Variants in NFRKB observed in about 807,000 individuals in gnomAD.
NFRKB encodes the protein nuclear factor related to kappa-B-binding protein.
NFRKB carries 62 observed loss-of-function variants against 135.7 expected under a neutral mutation model. The ratio of observed to expected loss-of-function variants is 0.46; its 90% CI spans 0.37 to 0.56. The LOEUF (loss-of-function observed/expected upper bound fraction) is 0.56. Ranked by LOEUF, NFRKB falls within the 20% of genes least tolerant of loss-of-function variation. The pLI, the probability that NFRKB is intolerant of heterozygous loss-of-function variation, is 0.00. For missense variants in NFRKB, 1,545 were observed against 1,662.0 expected, an observed-to-expected ratio of 0.93 and a Z score of 1.22; for synonymous variants, 678 against 635.6, an observed-to-expected ratio of 1.07 and a Z score of -1.00.
chr11:129,867,410 G>A (rs544558557), intron 24 of NFRKB, among the ~76,000 whole-genome samples: 82 of 147,008 alleles, frequency 5.6e-4, no homozygotes, highest in African/African-American at 1.9e-3. Flanking sequence ...ACTGCAACCC[G>A]GGTTCAAATG....
At chr11:129,881,667 C>T in intron 12 of NFRKB, 60 bp downstream of exon 12, 1 of 1,597,054 alleles carries the variant, frequency 6.3e-7, no homozygotes, top group Non-Finnish European at 8.5e-7. Flanking sequence ...GCAGTTTATT[C>T]TAATAATTAA....
chr11:129,885,167 G>A (rs1949214139), intron 6 of NFRKB, among the ~76,000 whole-genome samples: 1 of 152,204 alleles, frequency 6.6e-6, no homozygotes, highest in African/African-American at 2.4e-5. Flanking sequence ...ACCCCGTCGT[G>A]CAGGGAGTCG....
chr11:129,888,283 A>G, intron 4 of NFRKB: 1 of 591,906 alleles, frequency 1.7e-6, no homozygotes, highest in East Asian at 2.8e-5. Flanking sequence ...TCTTTTTAAA[A>G]TTTTTTAAAG....
intron 3 of NFRKB, among the ~76,000 whole-genome samples, chr11:129,889,207 C>T (rs1410571092): frequency 6.6e-6 from 1 of 152,142 alleles, no homozygotes; most frequent in Non-Finnish European, 1.5e-5. Context: ...GGTGATCTGC[C>T]TGCTTCGGCC....
chr11:129,883,514 T>C (rs911961172), intron 8 of NFRKB, among the ~76,000 whole-genome samples: 14 of 152,218 alleles, frequency 9.2e-5, no homozygotes, highest in Middle Eastern at 3.4e-3. Flanking sequence ...TTTTACAGAG[T>C]CTGGAAATGG....
At chr11:129,869,375 A>T (rs1337110284) in intron 24 of NFRKB, 119 bp downstream of exon 24, 2 of 1,198,646 alleles carry the variant, frequency 1.7e-6, no homozygotes, top group Non-Finnish European at 1.1e-6. Context: ...TAGGGCCTCT[A>T]ATTTCCACTC....
rs1217679834 is a variant in NFRKB at position 129,881,617 on chromosome 11, A to C, written c.1319-109T>G. ...AGAAAAGCAGGAACCTTCAAGGCAT[A>C]GCATTATGCAAAGGCATGATGGATT... is the stretch of plus-strand genomic sequence containing the variant. On this transcript the variant is annotated intron_variant, in intron 12 of 26. Transcript: ENST00000682444. 2.5e-6 allele frequency: 4 copies of C among 1,582,582 alleles called. No homozygotes were observed. In the East Asian group the frequency reaches 6.8e-5, roughly 27 times the overall value.
intron 1 of NFRKB, among the ~76,000 whole-genome samples, chr11:129,895,022 C>T (rs1160605417): frequency 6.6e-6 from 1 of 152,204 alleles, no homozygotes; most frequent in Non-Finnish European, 1.5e-5. Flanking sequence ...AATACCAAAA[C>T]CAGGCAGCTG....
At chr11:129,868,376 CA>C (rs1395259991) in intron 24 of NFRKB, among the ~76,000 whole-genome samples, 1 of 152,066 alleles carries the variant, frequency 6.6e-6, no homozygotes, top group South Asian at 2.1e-4. Flanking sequence ...GAAATGAAAT[CA>C]AAAAAGAACC....
In NFRKB at chr11:129,864,447, T is replaced by C. The variant is rs1028008065; in HGVS notation, c.*278A>G. On this transcript the variant is annotated 3_prime_UTR_variant, in exon 27 of 27. Coordinates refer to ENST00000682444, the MANE Select transcript of NFRKB (RefSeq NM_001143835.2). ...GGGGTCTTACTCTCAGAACTCTGGCTTGTTGGACGTAACTGGTAATTCCTG... is the reference window on the plus strand; with the variant it reads ...GGGGTCTTACTCTCAGAACTCTGGCCTGTTGGACGTAACTGGTAATTCCTG... 1.3e-5 allele frequency: 5 copies of C among 380,128 alleles called. No individual in the cohort carries two copies. The highest frequency in any genetic ancestry group is 3.8e-5 in the Admixed American group (1 of 26,102). 23.5% of individuals were successfully genotyped at this position (380,128 alleles called of 1,614,324 possible). A position where few individuals can be genotyped will look rare whatever the true frequency, so the allele number is the denominator to read the frequency against.
chr11:129,866,317 T>C lies in NFRKB; in HGVS notation c.3532-334A>G, dbSNP rs532744287. 1.9e-3 allele frequency among the ~76,000 whole-genome samples: 292 copies of C among 152,218 alleles called. 1 individual carries two copies. Among genetic ancestry groups the C allele is most frequent in the African/African-American group, 6.2e-3 (259 of 41,524 alleles). ...TTTAGCACAGTCCAAGATTCTGAGT[T>C]CCTTGGAGGACAGAGGCTTATCTCT... On this transcript the variant is annotated intron_variant, in intron 24 of 26. Transcript: ENST00000682444.
At chr11:129,888,044 A>G (rs987377209) in intron 4 of NFRKB, among the ~76,000 whole-genome samples, 1 of 152,210 alleles carries the variant, frequency 6.6e-6, no homozygotes, top group African/African-American at 2.4e-5. Flanking sequence ...CCCAAAGAAA[A>G]GAAAAGAAAA....
intron 2 of NFRKB, among the ~76,000 whole-genome samples, chr11:129,893,790 T>C (rs149823525): frequency 5.0e-4 from 76 of 152,354 alleles, no homozygotes; most frequent in African/African-American, 1.8e-3. Flanking sequence ...AGTAGGTCAG[T>C]AACTTGCCCA....
intron 25 of NFRKB, 91 bp from the exon 26 acceptor site, chr11:129,865,192 G>T (rs1233825369): frequency 4.1e-6 from 6 of 1,454,518 alleles, no homozygotes; most frequent in Non-Finnish European, 5.6e-6. Context: ...CAACAGGGAG[G>T]TCTGTGCCAA....
intron 8 of NFRKB, 111 bp from the exon 9 acceptor site, chr11:129,883,317 C>A (rs950356930): frequency 1.3e-5 from 10 of 752,372 alleles, no homozygotes; most frequent in South Asian, 3.1e-5. Context: ...GGGGAAATCA[C>A]ATTGAGTCAA....
In NFRKB at chr11:129,864,778, T is replaced by C. The variant is rs1323225761; in HGVS notation, c.3847A>G (p.Thr1283Ala). Residue 1283 changes from threonine (T) to alanine (A), a missense_variant, in exon 27 of 27, where the codon ACT (threonine) becomes GCT (alanine). Thr to Ala is a moderately conservative substitution (Grantham distance 58). Transcript: ENST00000682444. Reference sequence around the variant, plus strand: ...GACGGAGCTGTAGTCACAACAACAGTGGAGACTGCTTTGGAGGAGCCAGAA... The same window carrying C: ...GACGGAGCTGTAGTCACAACAACAGCGGAGACTGCTTTGGAGGAGCCAGAA... The part of the protein sequence containing the change: ...TASGSSKAVS[T>A]VVVTTAPSPK... The C allele has an allele frequency of 6.2e-7, 1 of 1,614,194 alleles. No homozygotes were observed. The highest frequency in any genetic ancestry group is 1.1e-5 in the South Asian group (1 of 91,080).
Position 129,877,324 on chromosome 11 carries a change from C to T in NFRKB, c.1572+1G>A. The stretch of plus-strand genomic sequence containing the variant: ...ACTTACACTGGCTTTTAGGTTCTTA[C>T]CTGCTCCTGAAAAACCCGTTTCTCC... On this transcript the variant is annotated splice_donor_variant, in intron 16 of 26. Transcript: ENST00000682444. LOFTEE classifies it high-confidence loss of function. 6.2e-7 allele frequency: 1 copy of T among 1,614,082 alleles called. No homozygotes were observed. The highest frequency in any genetic ancestry group is 8.5e-7 in the Non-Finnish European group (1 of 1,179,970).
At chr11:129,888,394 T>C (rs1307376368) in intron 4 of NFRKB, 200 bp downstream of exon 4, 17 of 691,860 alleles carry the variant, frequency 2.5e-5, no homozygotes, top group Admixed American at 2.1e-4. Context: ...ATTCATATTA[T>C]GTATTTTCTA....
At chr11:129,888,377 A>G in intron 4 of NFRKB, 2 of 682,904 alleles carry the variant, frequency 2.9e-6, no homozygotes, top group Non-Finnish European at 5.3e-6. Context: ...TGCTGGTTAC[A>G]AGCTGAATTC....
Sources: gnomAD v4.1 joint callset for allele counts (sites outside exome capture counted in the v4.1 genomes callset) on GRCh38, gnomAD v4.1.1 for gene constraint, MANE v1.5 for transcripts, NCBI Gene and HGNC (gene_info 2026-07-23, HGNC 2026-07-21) for gene names.